The following MYOM1 variants were observed in gnomAD, a reference collection of about 807,000 sequenced individuals.
MYOM1 encodes myomesin-1.
A neutral mutation model predicts 205.3 loss-of-function variants in MYOM1; 164 were observed. That is an observed-to-expected ratio of 0.80 (90% CI 0.70 to 0.91). MYOM1 has a LOEUF of 0.91. Among genes scored for constraint, MYOM1 ranks in the 40% least tolerant of loss-of-function variants. The pLI is 0.00. For missense variants in MYOM1, 2,011 were observed against 2,127.3 expected (o/e 0.95, Z 1.08); for synonymous variants, 772 against 789.4 (o/e 0.98, Z 0.37).
intron 21 of MYOM1, among the ~76,000 whole-genome samples, chr18:3,115,490 C>T (rs2143815093): frequency 6.6e-6 from 1 of 152,230 alleles, no homozygotes; most frequent in Admixed American, 6.5e-5. Context: ...CAAAGCCCAC[C>T]TTATAGGCAA....
At chr18:3,142,096 C>T (rs1417833677) in intron 13 of MYOM1, 33 bp from the exon 14 acceptor site, 2 of 1,609,756 alleles carry the variant, frequency 1.2e-6, no homozygotes, top group Non-Finnish European at 8.5e-7. Context: ...GAGAAGCACA[C>T]ATTCTGGGTA....
chr18:3,111,292 T>C (rs986145144), intron 22 of MYOM1, among the ~76,000 whole-genome samples: 2 of 151,422 alleles, frequency 1.3e-5, no homozygotes, highest in African/African-American at 4.9e-5. Flanking sequence ...TATGATAACG[T>C]TGAAAAATAA....
At position 3,187,717 on chromosome 18, in the gene MYOM1, T is replaced by C; in HGVS notation, c.772-80A>G. 4 of 1,343,866 alleles carry C rather than the reference T, an allele frequency of 3.0e-6. No individual in the cohort carries two copies. The South Asian group carries it at 6.6e-5, about 22-fold the overall frequency. 83.2% of individuals were successfully genotyped at this position (1,343,866 alleles called of 1,614,324 possible). On this transcript the variant is annotated intron_variant, in intron 4 of 37. Transcript: ENST00000356443. ...TGAATTTTGGTGCTAAAATAACAAG[T>C]AGAAGGCAAAAGTTTTATTTTTCCA...
intron 33 of MYOM1, among the ~76,000 whole-genome samples, chr18:3,080,490 A>G (rs904599444): frequency 1.3e-5 from 2 of 152,088 alleles, no homozygotes; most frequent in East Asian, 3.9e-4. Context: ...CCTGGCCAAC[A>G]TGGTGAAACC....
At position 3,188,945 on chromosome 18, in the gene MYOM1, C is replaced by T; in HGVS notation, c.574G>A (p.Ala192Thr). ...TTGGATGCCGTGGACTGCTTAGATG[C>T]CGTGGTCTGCTTGGATGCCGTGGAC... Reference protein sequence around the residue: ...KQSTASKQTTASKQSTASKQS... With the variant: ...KQSTASKQTTTSKQSTASKQS... Residue 192 changes from alanine to threonine, a missense_variant, in exon 4 of 38, where the codon GCA becomes ACA. Coordinates refer to ENST00000356443, the MANE Select transcript of MYOM1 (RefSeq NM_003803.4). The T allele has an allele frequency of 6.2e-7, 1 of 1,600,866 alleles. No individual in the cohort carries two copies. The highest frequency in any genetic ancestry group is 8.5e-7 in the Non-Finnish European group (1 of 1,170,040).
At position 3,187,625 on chromosome 18, in the gene MYOM1, C is replaced by T. The variant is rs745896243; in HGVS notation, c.784G>A (p.Glu262Lys). 13 of 1,599,656 alleles carry T rather than the reference C, an allele frequency of 8.1e-6. 1 individual carries two copies. The highest frequency in any genetic ancestry group is 4.0e-5 in the African/African-American group (3 of 74,636). ...TCATTCAGCTTGGCATGATATGTCT[C>T]GGTTTCTTCTAACTGAAAAAACAAA... is the stretch of plus-strand genomic sequence containing the variant. Reference protein sequence around the residue: ...LSLRKTLEETETYHAKLNEDH... With the variant: ...LSLRKTLEETKTYHAKLNEDH... Residue 262 changes from glutamate to lysine, a missense_variant, in exon 5 of 38, where the codon GAG becomes AAG. Physicochemically the swap from Glu to Lys is moderately conservative, Grantham distance 56. Transcript: ENST00000356443.
chr18:3,180,510 A>G (rs990923038), intron 5 of MYOM1, among the ~76,000 whole-genome samples: 1 of 152,186 alleles, frequency 6.6e-6, no homozygotes, highest in Non-Finnish European at 1.5e-5. Context: ...CAGGGAAGAA[A>G]AGAAGGATTT....
chr18:3,070,208 A>G (rs936754093), intron 37 of MYOM1, among the ~76,000 whole-genome samples: 6 of 152,184 alleles, frequency 3.9e-5, no homozygotes, highest in African/African-American at 1.2e-4. Flanking sequence ...GTGAAGTGGT[A>G]TGGTGTCATG....
chr18:3,090,520 G>A lies in MYOM1; in HGVS notation c.4009+138C>T, dbSNP rs1339279362. 7 of 1,208,150 alleles carry A rather than the reference G, an allele frequency of 5.8e-6. No homozygotes were observed. The African/African-American group carries it at 9.2e-5, about 16-fold the overall frequency. The allele number at this position is 1,208,150 out of a possible 1,614,324, so 74.8% of individuals were successfully genotyped here. On this transcript the variant is annotated intron_variant, in intron 27 of 37. Coordinates refer to ENST00000356443, the MANE Select transcript of MYOM1 (RefSeq NM_003803.4). Reference sequence around the variant, plus strand: ...TAGGCATGAGCCACCGCGCCCAGCTGAAAATTGTATTTTGAACATTAGAAG... The same window carrying A: ...TAGGCATGAGCCACCGCGCCCAGCTAAAAATTGTATTTTGAACATTAGAAG...
At chr18:3,080,673 C>CAAAAAAAAAA (rs11361871) in intron 33 of MYOM1, among the ~76,000 whole-genome samples, 1 of 135,432 alleles carries the variant, frequency 7.4e-6, no homozygotes, top group Non-Finnish European at 1.6e-5. Flanking sequence ...GGCTCCATCT[C>CAAAAAAAAAA]AAAAAAAAAA....
intron 20 of MYOM1, 37 bp downstream of exon 20, chr18:3,119,832 C>T: frequency 1.9e-6 from 3 of 1,565,078 alleles, no homozygotes; most frequent in Non-Finnish European, 2.6e-6. Context: ...GGAGGAAATT[C>T]CGAGGTGCGG....
chr18:3,151,157 T>C (rs1274125449), intron 12 of MYOM1, among the ~76,000 whole-genome samples: 2 of 151,856 alleles, frequency 1.3e-5, no homozygotes, highest in African/African-American at 4.8e-5. Context: ...AAAATGATTT[T>C]TGACAGTCTA....
At chr18:3,075,592 C>T (rs748967283) in intron 35 of MYOM1, 116 bp from the exon 36 acceptor site, 1 of 1,422,594 alleles carries the variant, frequency 7.0e-7, no homozygotes, top group Non-Finnish European at 9.9e-7. Context: ...TTCAATATAA[C>T]AATGGGAAGT....
chr18:3,126,589 T>C, intron 19 of MYOM1, 112 bp downstream of exon 19: 2 of 926,380 alleles, frequency 2.2e-6, no homozygotes, highest in Non-Finnish European at 3.2e-6. Context: ...GACAATGGAC[T>C]CTGGAGAAAT....
In MYOM1 at chr18:3,214,974, G is replaced by C; in HGVS notation, c.250C>G (p.Arg84Gly). 10 of 1,609,028 alleles carry C rather than the reference G, an allele frequency of 6.2e-6. No individual in the cohort carries two copies. The highest frequency in any genetic ancestry group is 8.5e-6 in the Non-Finnish European group (10 of 1,176,848). The change falls in exon 2 of 38, where the codon CGG (arginine) becomes GGG (glycine). Residue 84 changes from arginine (R) to glycine (G), a missense_variant. Arg to Gly is a moderately radical substitution (Grantham distance 125). Transcript: ENST00000356443. ...SQHALSSEVS[R>G]KAASAYDYGS... ...TAATCGTAGGCTGAGGCTGCCTTCC[G>C]ACTGACTTCAGAGCTCAGGGCGTGC...
chr18:3,076,774 C>T (rs563633719), intron 34 of MYOM1, among the ~76,000 whole-genome samples: 69 of 143,296 alleles, frequency 4.8e-4, no homozygotes, highest in African/African-American at 1.6e-3. Context: ...AGTGCAGTGG[C>T]GAGATCTCGG....
At chr18:3,127,294 TATATATATATA>T (rs1163278034) in intron 18 of MYOM1, among the ~76,000 whole-genome samples, 11 of 46,072 alleles carry the variant, frequency 2.4e-4, no homozygotes, top group Non-Finnish European at 2.0e-4. Context: ...TATATATATA[TATATATATATA>T]TTTTTTTTTT....
chr18:3,178,789 A>G (rs2080687037), intron 5 of MYOM1, among the ~76,000 whole-genome samples: 1 of 152,104 alleles, frequency 6.6e-6, no homozygotes, highest in Non-Finnish European at 1.5e-5. Context: ...TAAATATAAC[A>G]TTTATCAAAA....
At chr18:3,234,427 G>A in the MYOM1 span, among the ~76,000 whole-genome samples, 1 of 152,166 alleles carries the variant, frequency 6.6e-6, no homozygotes, top group Non-Finnish European at 1.5e-5. Context: ...AACGTTCATT[G>A]TCAAAACATC....
Sources: gnomAD v4.1 joint callset for allele counts (sites outside exome capture counted in the v4.1 genomes callset) on GRCh38, gnomAD v4.1.1 for gene constraint, MANE v1.5 for transcripts, NCBI Gene and HGNC (gene_info 2026-07-23, HGNC 2026-07-21) for gene names.